Variants in LYN observed in about 807,000 individuals in gnomAD.
LYN encodes tyrosine-protein kinase Lyn.
In LYN, 12 loss-of-function variants were observed where a neutral mutation model predicts 65.0. The ratio of observed to expected loss-of-function variants is 0.18; its 90% CI spans 0.12 to 0.30. LYN has a LOEUF of 0.30. Among genes scored for constraint, LYN ranks in the 10% least tolerant of loss-of-function variants. The probability of loss-of-function intolerance (pLI) is 1.00; values close to 1 mark genes in which losing one functional copy is unlikely to be tolerated. For synonymous variants in LYN, 222 were observed against 221.2 expected (o/e 1.00, Z -0.03); for missense variants, 380 against 623.2 (o/e 0.61, Z 4.16).
intron 12 of LYN, among the ~76,000 whole-genome samples, chr8:56,003,483 G>A (rs1320744121): frequency 1.3e-5 from 2 of 152,060 alleles, no homozygotes; most frequent in Non-Finnish European, 2.9e-5. Flanking sequence ...TGGACAACAT[G>A]GCCAAACCCT....
intron 1 of LYN, among the ~76,000 whole-genome samples, chr8:55,924,736 C>T (rs886689636): frequency 2.0e-5 from 3 of 152,108 alleles, no homozygotes; most frequent in Non-Finnish European, 2.9e-5. Flanking sequence ...CTTTAAACTC[C>T]TAGAGTGAGT....
intron 8 of LYN, among the ~76,000 whole-genome samples, chr8:55,954,221 T>C (rs2292419): frequency 0.23 from 35,064 of 152,126 alleles, 5,169 homozygotes; most frequent in Non-Finnish European, 0.31. Flanking sequence ...AGGGGAGTAA[T>C]GGGTATTTAT....
intron 1 of LYN, among the ~76,000 whole-genome samples, chr8:55,891,139 G>A (rs1332293655): frequency 6.6e-6 from 1 of 151,996 alleles, no homozygotes; most frequent in Non-Finnish European, 1.5e-5. Flanking sequence ...GATCACCTGA[G>A]GTCGGCAGTT....
chr8:55,922,899 G>T (rs1252463718), intron 1 of LYN, among the ~76,000 whole-genome samples: 2 of 152,192 alleles, frequency 1.3e-5, no homozygotes, highest in Non-Finnish European at 2.9e-5. Flanking sequence ...CAGGGCTGTT[G>T]TAGCAATTAA....
chr8:56,010,569 G>GT lies in LYN; in HGVS notation c.*462dup, dbSNP rs1309506337. The stretch of plus-strand genomic sequence containing the variant: ...CATTTCTTTGTGCTTTGGCTTACTT[G>GT]TTTAAAAAAAAAAAAAAACTAATCC... On this transcript the variant is annotated 3_prime_UTR_variant, in exon 13 of 13. Transcript: ENST00000519728. 2 of 208,508 alleles carry GT rather than the reference G, an allele frequency of 9.6e-6. No homozygotes were observed. The highest frequency in any genetic ancestry group is 1.4e-4 in the East Asian group (2 of 13,914). 12.9% of individuals were successfully genotyped at this position (208,508 alleles called of 1,614,324 possible). A position where few individuals can be genotyped will look rare whatever the true frequency, so the allele number is the denominator to read the frequency against.
chr8:55,997,728 C>T (rs775550146), intron 10 of LYN, among the ~76,000 whole-genome samples: 1 of 152,214 alleles, frequency 6.6e-6, no homozygotes, highest in Non-Finnish European at 1.5e-5. Context: ...GGCATAATAA[C>T]ATCTATGTAT....
chr8:55,984,612 C>T (rs1808022794), intron 10 of LYN, among the ~76,000 whole-genome samples: 1 of 152,250 alleles, frequency 6.6e-6, no homozygotes, highest in East Asian at 1.9e-4. Context: ...TCTGACCCAA[C>T]TTGAATACAC....
At chr8:55,965,580 T>C (rs1436547579) in intron 8 of LYN, among the ~76,000 whole-genome samples, 1 of 152,220 alleles carries the variant, frequency 6.6e-6, no homozygotes, top group Non-Finnish European at 1.5e-5. Context: ...TGAACAAAAT[T>C]AAAATCGCTC....
chr8:55,937,757 A>G (rs1357704044), intron 1 of LYN, among the ~76,000 whole-genome samples: 4 of 152,148 alleles, frequency 2.6e-5, no homozygotes, highest in African/African-American at 7.2e-5. Flanking sequence ...CAGTGGCACA[A>G]CAATCTTGGC....
chr8:55,957,134 T>A (rs1409097398), intron 8 of LYN, among the ~76,000 whole-genome samples: 1 of 152,222 alleles, frequency 6.6e-6, no homozygotes, highest in Admixed American at 6.5e-5. Flanking sequence ...ATTTCTAAGC[T>A]AATTTGACTT....
intron 10 of LYN, among the ~76,000 whole-genome samples, chr8:55,993,918 A>C (rs1238439976): frequency 6.6e-6 from 1 of 152,186 alleles, no homozygotes; most frequent in Non-Finnish European, 1.5e-5. Context: ...AGGAAGTGGG[A>C]GTCCCTGGGG....
intron 1 of LYN, among the ~76,000 whole-genome samples, chr8:55,925,193 G>A (rs908215921): frequency 5.9e-5 from 9 of 152,086 alleles, no homozygotes; most frequent in African/African-American, 2.2e-4. Flanking sequence ...TGCAATCACC[G>A]TTCACTGCCC....
chr8:55,904,314 T>C (rs1012741986), intron 1 of LYN, among the ~76,000 whole-genome samples: 1 of 152,184 alleles, frequency 6.6e-6, no homozygotes, highest in South Asian at 2.1e-4. Context: ...GTTGATGGAA[T>C]GAAAATAAAT....
At chr8:55,888,510 G>T (rs1004992653) in intron 1 of LYN, among the ~76,000 whole-genome samples, 1 of 152,216 alleles carries the variant, frequency 6.6e-6, no homozygotes, top group East Asian at 1.9e-4. Context: ...AGCCAAGAGC[G>T]AAGACACGTT....
At chr8:55,971,963 C>G (rs908068469) in intron 10 of LYN, among the ~76,000 whole-genome samples, 1 of 152,176 alleles carries the variant, frequency 6.6e-6, no homozygotes, top group African/African-American at 2.4e-5. Context: ...TCAGTTGACT[C>G]TCCTGTCAAC....
intron 1 of LYN, among the ~76,000 whole-genome samples, chr8:55,939,462 A>AAGAGAGAGAGAGAGAGAGAGAGAG (rs111951441): frequency 2.6e-4 from 38 of 148,338 alleles, no homozygotes; most frequent in African/African-American, 9.3e-4. Flanking sequence ...TTCCCAAGAG[A>AAGAGAGAGAGAGAGAGAGAGAGAG]AGAGAGAGAG....
At chr8:55,904,583 C>T (rs1012341368) in intron 1 of LYN, among the ~76,000 whole-genome samples, 9 of 151,978 alleles carry the variant, frequency 5.9e-5, no homozygotes, top group African/African-American at 2.2e-4. Flanking sequence ...AGATCATGCA[C>T]CTATAAAAGA....
At chr8:55,891,796 T>G (rs1212925523) in intron 1 of LYN, among the ~76,000 whole-genome samples, 1 of 152,204 alleles carries the variant, frequency 6.6e-6, no homozygotes, top group Non-Finnish European at 1.5e-5. Flanking sequence ...GATATTTCAT[T>G]AAGTTTGATA....
At chr8:55,960,664 A>G (rs1280744222) in intron 8 of LYN, among the ~76,000 whole-genome samples, 1 of 152,230 alleles carries the variant, frequency 6.6e-6, no homozygotes, top group Non-Finnish European at 1.5e-5. Flanking sequence ...AAGGATAAGC[A>G]GGCCAGCTTT....
Sources: allele counts gnomAD v4.1 joint callset (sites outside exome capture counted in the v4.1 genomes callset), GRCh38; gene constraint gnomAD v4.1.1; transcripts MANE v1.5; gene names NCBI Gene and HGNC (gene_info 2026-07-23, HGNC 2026-07-21).